The following PPP2R3A variants were observed in gnomAD, a reference collection of about 807,000 sequenced individuals.
The protein encoded by PPP2R3A is protein phosphatase 2 regulatory subunit B''alpha, also known as serine/threonine-protein phosphatase 2A regulatory subunit B'' subunit alpha.
Under a neutral mutation model 106.9 loss-of-function variants are expected in PPP2R3A, and 80 were observed. The observed-to-expected ratio is 0.75, with a 90% CI of 0.62 to 0.90. The LOEUF is 0.90. Ranked by LOEUF, PPP2R3A falls within the 40% of genes least tolerant of loss-of-function variation. PPP2R3A has a pLI of 0.00. For missense variants in PPP2R3A, 1,386 were observed against 1,350.4 expected (o/e 1.03, Z -0.41); for synonymous variants, 483 against 468.3 (o/e 1.03, Z -0.41).
At chr3:136,059,083 A>G (rs759304201) in intron 5 of PPP2R3A, among the ~76,000 whole-genome samples, 2 of 152,188 alleles carry the variant, frequency 1.3e-5, no homozygotes, top group Non-Finnish European at 2.9e-5. Flanking sequence ...GCACAGGCAA[A>G]GCTTTCATGA....
At chr3:135,987,384 G>A (rs111324724) in intron 1 of PPP2R3A, among the ~76,000 whole-genome samples, 73 of 152,052 alleles carry the variant, frequency 4.8e-4, no homozygotes, top group Admixed American at 4.6e-4. Flanking sequence ...GTAAGGCTGT[G>A]TTATTGGAAA....
intron 13 of PPP2R3A, among the ~76,000 whole-genome samples, chr3:136,131,939 A>C (rs1938438355): frequency 6.8e-6 from 1 of 146,144 alleles, no homozygotes; most frequent in African/African-American, 2.5e-5. Flanking sequence ...GCATGTTCTC[A>C]CTCATAGGTG....
At chr3:136,122,746 T>C (rs575259259) in intron 13 of PPP2R3A, among the ~76,000 whole-genome samples, 2 of 151,106 alleles carry the variant, frequency 1.3e-5, no homozygotes, top group Non-Finnish European at 2.9e-5. Flanking sequence ...GATACTGTTA[T>C]GTTACAGTTA....
chr3:136,005,540 G>A (rs1373994949), intron 2 of PPP2R3A, among the ~76,000 whole-genome samples: 3 of 152,066 alleles, frequency 2.0e-5, no homozygotes, highest in South Asian at 4.1e-4. Flanking sequence ...TCATTTGTTG[G>A]TTCACAGGTG....
At chr3:136,126,372 C>T (rs1234670408) in intron 13 of PPP2R3A, among the ~76,000 whole-genome samples, 1 of 152,214 alleles carries the variant, frequency 6.6e-6, no homozygotes, top group Non-Finnish European at 1.5e-5. Flanking sequence ...TCACTGCTAG[C>T]GCAGCAGTCT....
chr3:136,111,741 C>G (rs1451549701), intron 13 of PPP2R3A, among the ~76,000 whole-genome samples: 1 of 151,796 alleles, frequency 6.6e-6, no homozygotes, highest in African/African-American at 2.4e-5. Context: ...GAGCTGGTAC[C>G]AATCCTGCTG....
At chr3:136,018,480 C>CAG (rs1934352270) in intron 2 of PPP2R3A, among the ~76,000 whole-genome samples, 1 of 152,142 alleles carries the variant, frequency 6.6e-6, no homozygotes, top group Non-Finnish European at 1.5e-5. Flanking sequence ...CTATTGTCTT[C>CAG]GTTTTCAAAG....
chr3:136,001,001 G>A (rs970852496), intron 1 of PPP2R3A, 58 bp from the exon 2 acceptor site: 14 of 394,786 alleles, frequency 3.5e-5, no homozygotes, highest in Admixed American at 8.8e-5. Context: ...CAAAGAAAGA[G>A]GAAATCAAAA....
chr3:136,073,932 G>A (rs1363781790), intron 6 of PPP2R3A, among the ~76,000 whole-genome samples: 6 of 152,104 alleles, frequency 3.9e-5, no homozygotes, highest in Non-Finnish European at 5.9e-5. Flanking sequence ...AAAAGACATC[G>A]TTCTCTACCC....
chr3:136,020,761 G>A (rs1934438208), intron 2 of PPP2R3A, among the ~76,000 whole-genome samples: 1 of 152,076 alleles, frequency 6.6e-6, no homozygotes, highest in Non-Finnish European at 1.5e-5. Flanking sequence ...GAGTGTAAGA[G>A]AAACTATTAG....
intron 3 of PPP2R3A, among the ~76,000 whole-genome samples, chr3:136,033,617 T>C (rs541622096): frequency 6.6e-6 from 1 of 152,228 alleles, no homozygotes; most frequent in Non-Finnish European, 1.5e-5. Flanking sequence ...GCTAGAAGGG[T>C]TGTATCTTTC....
In PPP2R3A at chr3:136,033,773, CTTCTT is replaced by C. The variant is rs568679124; in HGVS notation, c.2262+6681_2262+6685del. On this transcript the variant is annotated intron_variant, in intron 3 of 13. Coordinates refer to ENST00000264977, the MANE Select transcript of PPP2R3A (RefSeq NM_002718.5). ...TATTGAGCTTATTTGGATTTTCTCT[CTTCTT>C]TTCTTAGTTAGTCTTGCTAATGGTC... Among the ~76,000 whole-genome samples, 1,002 of 152,098 alleles carry C rather than the reference CTTCTT, an allele frequency of 6.6e-3. 9 individuals carry two copies. The highest frequency in any genetic ancestry group is 0.012 in the Admixed American group (180 of 15,274).
intron 13 of PPP2R3A, among the ~76,000 whole-genome samples, chr3:136,126,244 G>A (rs367712017): frequency 1.3e-5 from 2 of 152,196 alleles, no homozygotes; most frequent in Non-Finnish European, 2.9e-5. Flanking sequence ...CAGACTACCT[G>A]GAAAAACGGG....
chr3:136,011,990 C>CAT (rs1302447551), intron 2 of PPP2R3A, among the ~76,000 whole-genome samples: 22 of 112,096 alleles, frequency 2.0e-4, no homozygotes, highest in Middle Eastern at 4.9e-3. Flanking sequence ...CACACACACA[C>CAT]ACATACACAC....
intron 8 of PPP2R3A, among the ~76,000 whole-genome samples, chr3:136,083,565 A>G (rs1032086278): frequency 6.6e-6 from 1 of 152,184 alleles, no homozygotes; most frequent in African/African-American, 2.4e-5. Context: ...AGAACAGACT[A>G]ATATAGTAAA....
intron 1 of PPP2R3A, among the ~76,000 whole-genome samples, chr3:135,990,390 A>G (rs1933108932): frequency 2.0e-5 from 3 of 152,180 alleles, no homozygotes; most frequent in African/African-American, 7.2e-5. Flanking sequence ...TGTGATCTCC[A>G]TCAGGACCCA....
At chr3:136,052,693 GACA>G (rs1289218842) in intron 5 of PPP2R3A, among the ~76,000 whole-genome samples, 3 of 152,142 alleles carry the variant, frequency 2.0e-5, no homozygotes, top group Non-Finnish European at 2.9e-5. Flanking sequence ...ATTAGAAACA[GACA>G]ACAACAAAAT....
chr3:136,072,977 G>A (rs973826612), intron 6 of PPP2R3A, among the ~76,000 whole-genome samples: 1 of 151,408 alleles, frequency 6.6e-6, no homozygotes, highest in Non-Finnish European at 1.5e-5. Flanking sequence ...GTTTGTTTGG[G>A]TTTTTTTTGA....
chr3:136,019,972 G>C (rs1409980992), intron 2 of PPP2R3A, among the ~76,000 whole-genome samples: 1 of 152,098 alleles, frequency 6.6e-6, no homozygotes, highest in Non-Finnish European at 1.5e-5. Flanking sequence ...AATATTTCTT[G>C]TCCTTTGCTC....
Sources: gnomAD v4.1 joint callset for allele counts (sites outside exome capture counted in the v4.1 genomes callset) on GRCh38, gnomAD v4.1.1 for gene constraint, MANE v1.5 for transcripts, NCBI Gene and HGNC (gene_info 2026-07-23, HGNC 2026-07-21) for gene names.